RAN: variants seen among roughly 807,000 people sequenced by gnomAD.
The protein encoded by RAN is GTP-binding nuclear protein Ran.
RAN carries 2 observed loss-of-function variants against 26.8 expected under a neutral mutation model. The observed-to-expected ratio is 0.07, with a 90% CI of 0.03 to 0.23. The LOEUF is 0.23. RAN is among the 10% of genes least tolerant of loss of function. The pLI is 1.00. For synonymous variants in RAN, 132 were observed against 95.9 expected (o/e 1.38, Z -2.20); for missense variants, 56 against 264.8 (o/e 0.21, Z 5.47).
chr12:130,872,839 G>T lies in RAN; in HGVS notation c.40G>T (p.Val14Leu). The T allele has an allele frequency of 6.2e-7, 1 of 1,614,228 alleles. No individual in the cohort carries two copies. Among genetic ancestry groups the T allele is most frequent in the Non-Finnish European group, 8.5e-7 (1 of 1,180,020 alleles). The change falls in exon 3 of 7, where the codon GTA (valine) becomes TTA (leucine). Residue 14 changes from valine to leucine, a missense_variant. Around this residue, in one of 2 missense-constraint regions of RAN, gnomAD observed 17 missense variants for 16.1 expected, o/e 1.05. Coordinates refer to ENST00000543796, the MANE Select transcript of RAN (RefSeq NM_006325.5). The stretch of plus-strand genomic sequence containing the variant: ...TCCAAAATGTGTTTTTCAACAGCTT[G>T]TATTGGTTGGTGATGGTGGTACTGG... Reference protein sequence around the residue: ...QGEPQVQFKLVLVGDGGTGKT... With the variant: ...QGEPQVQFKLLLVGDGGTGKT...
rs1025638971 is a variant in RAN at position 130,877,177 on chromosome 12, CTT to C, written c.*1252_*1253del. On this transcript the variant is annotated 3_prime_UTR_variant, in exon 7 of 7. Transcript: ENST00000543796. Reference sequence around the variant, plus strand: ...CACTATTCTTGTAGCAGTTAGGAATCTTGAGCTATTTTTTTCTCATACGATTA... The same window carrying C: ...CACTATTCTTGTAGCAGTTAGGAATCGAGCTATTTTTTTCTCATACGATTA... The C allele has an allele frequency of 4.6e-5, 7 of 151,854 alleles. No homozygotes were observed. Among genetic ancestry groups the C allele is most frequent in the African/African-American group, 1.4e-4 (6 of 41,400 alleles). 9.4% of individuals were successfully genotyped at this position (151,854 alleles called of 1,614,324 possible). A position where few individuals can be genotyped will look rare whatever the true frequency, so the allele number is the denominator to read the frequency against.
intron 4 of RAN, 163 bp downstream of exon 4, chr12:130,873,291 AT>A: frequency 1.1e-6 from 1 of 901,066 alleles, no homozygotes; most frequent in Non-Finnish European, 1.7e-6. Context: ...GGCAGAGAAA[AT>A]TTTATTAAAG....
At chr12:130,874,853 TC>T (rs1262181059) in intron 5 of RAN, 120 bp downstream of exon 5, 1 of 871,820 alleles carries the variant, frequency 1.1e-6, no homozygotes, top group Non-Finnish European at 1.7e-6. Flanking sequence ...GACGGAGTCT[TC>T]CTCTGTCCCC....
In RAN at chr12:130,877,383, T is replaced by C. The variant is rs1272772832; in HGVS notation, c.*1457T>C. 2 of 152,250 alleles carry C rather than the reference T, an allele frequency of 1.3e-5. No homozygotes were observed. The highest frequency in any genetic ancestry group is 4.8e-5 in the African/African-American group (2 of 41,464). 9.4% of individuals were successfully genotyped at this position (152,250 alleles called of 1,614,324 possible). A position where few individuals can be genotyped will look rare whatever the true frequency, so the allele number is the denominator to read the frequency against. ...CAGTTGAGTTTCTTAAGATCTGAAT[T>C]GCTGTGTATGTTACGCTGTATTCAG... is the stretch of plus-strand genomic sequence containing the variant. On this transcript the variant is annotated 3_prime_UTR_variant, in exon 7 of 7. Coordinates refer to ENST00000543796, the MANE Select transcript of RAN (RefSeq NM_006325.5).
In RAN at chr12:130,873,752, A is replaced by C. The variant is rs1780119524; in HGVS notation, c.247+624A>C. On this transcript the variant is annotated intron_variant, in intron 4 of 6. Transcript: ENST00000543796. ...TTTTGCTTTCCTTGAGCATGTACAAATAAACACAAGAATTTCCCCCAAAAG... is the reference window on the plus strand; with the variant it reads ...TTTTGCTTTCCTTGAGCATGTACAACTAAACACAAGAATTTCCCCCAAAAG... 4.4e-5 allele frequency: 7 copies of C among 158,224 alleles called. No homozygotes were observed. In the South Asian group the frequency reaches 1.2e-3, roughly 27 times the overall value. The allele number at this position is 158,224 out of a possible 1,614,324, so 9.8% of individuals were successfully genotyped here.
In RAN at chr12:130,875,798, T is replaced by A; in HGVS notation, c.606+16T>A. ...CGACTTAGAGGTATTGTGGCCACTT[T>A]GCTGTTCAGATTGTTCGGTTTGGCT... is the stretch of plus-strand genomic sequence containing the variant. On this transcript the variant is annotated intron_variant, in intron 6 of 6. Transcript: ENST00000543796. 1 of 1,614,178 alleles carries A rather than the reference T, an allele frequency of 6.2e-7. No homozygotes were observed.
At chr12:130,873,237 A>T in intron 4 of RAN, 109 bp downstream of exon 4, 2 of 1,447,176 alleles carry the variant, frequency 1.4e-6, no homozygotes, top group Non-Finnish European at 1.9e-6. Context: ...TTTTTGGGTT[A>T]AAAAAAGACA....
chr12:130,874,027 T>C (rs566539902), intron 4 of RAN: 48 of 389,134 alleles, frequency 1.2e-4, no homozygotes, highest in African/African-American at 9.1e-4. Flanking sequence ...TTTGTATTTT[T>C]TTGTAGAGAT....
At chr12:130,874,346 A>C in intron 4 of RAN, 200 bp from the exon 5 acceptor site, 1 of 503,026 alleles carries the variant, frequency 2.0e-6, no homozygotes, top group Non-Finnish European at 3.5e-6. Flanking sequence ...GGGAGATTTG[A>C]TAGGGTCAGC....
Position 130,876,816 on chromosome 12 carries a change from A to G in RAN, c.*890A>G, listed in dbSNP as rs1448348618. 6.6e-6 allele frequency: 1 copy of G among 152,210 alleles called. No individual in the cohort carries two copies. The highest frequency in any genetic ancestry group is 1.5e-5 in the Non-Finnish European group (1 of 68,028). The allele number at this position is 152,210 out of a possible 1,614,324, so 9.4% of individuals were successfully genotyped here. A position where few individuals can be genotyped will look rare whatever the true frequency, so the allele number is the denominator to read the frequency against. ...GATGCTTAGTGTGAAGTTGATACGCAAGGAAAATGGTCCATGTTTACCCAC... is the reference window on the plus strand; with the variant it reads ...GATGCTTAGTGTGAAGTTGATACGCGAGGAAAATGGTCCATGTTTACCCAC... On this transcript the variant is annotated 3_prime_UTR_variant, in exon 7 of 7. Coordinates refer to ENST00000543796, the MANE Select transcript of RAN (RefSeq NM_006325.5).
chr12:130,874,322 G>A (rs1593220352), intron 4 of RAN: 2 of 467,486 alleles, frequency 4.3e-6, no homozygotes, highest in East Asian at 3.4e-5. Flanking sequence ...GAGTATTAAT[G>A]GTGAAGTATA....
chr12:130,874,449 C>G, intron 4 of RAN, 97 bp from the exon 5 acceptor site: 4 of 999,912 alleles, frequency 4.0e-6, no homozygotes, highest in Non-Finnish European at 5.9e-6. Flanking sequence ...TCGTTGAGGT[C>G]TAAGACTATA....
Position 130,877,185 on chromosome 12 carries a change from A to AT in RAN, c.*1266dup, listed in dbSNP as rs902718652. 5.9e-5 allele frequency: 9 copies of AT among 151,764 alleles called. No homozygotes were observed. Among genetic ancestry groups the AT allele is most frequent in the African/African-American group, 2.2e-4 (9 of 41,314 alleles). The allele number at this position is 151,764 out of a possible 1,614,324, so 9.4% of individuals were successfully genotyped here. A position where few individuals can be genotyped will look rare whatever the true frequency, so the allele number is the denominator to read the frequency against. ...TTGTAGCAGTTAGGAATCTTGAGCT[A>AT]TTTTTTTCTCATACGATTACTATAG... is the stretch of plus-strand genomic sequence containing the variant. On this transcript the variant is annotated 3_prime_UTR_variant, in exon 7 of 7. Transcript: ENST00000543796.
At chr12:130,874,188 T>C (rs1410170300) in intron 4 of RAN, 1 of 224,524 alleles carries the variant, frequency 4.5e-6, no homozygotes, top group South Asian at 5.8e-5. Flanking sequence ...TTTTCCAGTA[T>C]AGCCAGCCAT....
chr12:130,872,487 TGTGGGGCGGGCAC>T (rs1295821214), intron 1 of RAN, 84 bp from the exon 2 acceptor site: 3 of 916,662 alleles, frequency 3.3e-6, no homozygotes, highest in South Asian at 4.9e-5. Context: ...GGGAGGCCTT[TGTGGGGCGGGCAC>T]GTGGGGCGCT....
At position 130,872,108 on chromosome 12, in the gene RAN, G is replaced by T; in HGVS notation, c.-29G>T. On this transcript the variant is annotated 5_prime_UTR_variant, in exon 1 of 7. Coordinates refer to ENST00000543796, the MANE Select transcript of RAN (RefSeq NM_006325.5). ...TCTTTCCAGCCTCAGTCGGACGGGC[G>T]CGGAGACGCTTCTGGAAGGTATCGC... 3.2e-6 allele frequency: 1 copy of T among 313,368 alleles called. No individual in the cohort carries two copies. The allele number at this position is 313,368 out of a possible 1,614,324, so 19.4% of individuals were successfully genotyped here.
Position 130,872,692 on chromosome 12 carries a change from C to A in RAN, c.36+63C>A, listed in dbSNP as rs1188801497. On this transcript the variant is annotated intron_variant, in intron 2 of 6. Transcript: ENST00000543796. ...ACCGCGTGCGACTCGCGGGTCCCTC[C>A]TCCTGGGGCCACGATGGCTGTAATG... The A allele has an allele frequency of 5.8e-6, 9 of 1,540,436 alleles. No individual in the cohort carries two copies. The South Asian group carries it at 1.1e-4, about 19-fold the overall frequency.
In RAN at chr12:130,875,620, C is replaced by T. The variant is rs552856464; in HGVS notation, c.444C>T (p.Asp148=). Residue 148 remains aspartate (D), a synonymous_variant, in exon 6 of 7, where the codon GAC becomes GAT. Transcript: ENST00000543796. The stretch of plus-strand genomic sequence containing the variant: ...ACCTTTCTTTTAAACAGTACTACGA[C>T]ATTTCTGCCAAAAGTAACTACAACT... The part of the protein sequence containing the change: ...FHRKKNLQYY[D]ISAKSNYNFE... The T allele has an allele frequency of 7.2e-5, 116 of 1,603,060 alleles. 4 individuals are homozygous for T. In the South Asian group the frequency reaches 1.2e-3, roughly 17 times the overall value.
chr12:130,876,045 T>A lies in RAN; in HGVS notation c.*119T>A. 9.7e-7 allele frequency: 1 copy of A among 1,034,596 alleles called. No individual in the cohort carries two copies. Among genetic ancestry groups the A allele is most frequent in the Non-Finnish European group, 1.5e-6 (1 of 688,042 alleles). 64.1% of individuals were successfully genotyped at this position (1,034,596 alleles called of 1,614,324 possible). On this transcript the variant is annotated 3_prime_UTR_variant, in exon 7 of 7. Transcript: ENST00000543796. ...CTAGCTAAGCGGAACATGTGCTTCA[T>A]CTGTGGGATGCTGAAGGAGATGAGT...
Sources: allele counts gnomAD v4.1 joint callset, GRCh38; gene constraint gnomAD v4.1.1; regional missense constraint gnomAD v4.1.1; transcripts MANE v1.5; gene names NCBI Gene and HGNC (gene_info 2026-07-23, HGNC 2026-07-21).